Variants in SMG1 observed in about 807,000 individuals in gnomAD.
The protein encoded by SMG1 is serine/threonine-protein kinase SMG1.
In SMG1, 22 loss-of-function variants were observed where a neutral mutation model predicts 419.9. The ratio of observed to expected loss-of-function variants is 0.05; its 90% CI spans 0.04 to 0.07. The LOEUF is 0.07. SMG1 is among the 10% of genes least tolerant of loss of function. The pLI, the probability that SMG1 is intolerant of heterozygous loss-of-function variation, is 1.00. For synonymous variants in SMG1, 1,538 were observed against 1,553.5 expected, an observed-to-expected ratio of 0.99 and a Z score of 0.23; for missense variants, 3,185 against 4,342.0, an observed-to-expected ratio of 0.73 and a Z score of 7.49.
chr16:18,840,470 C>G (rs2033851467), intron 41 of SMG1, among the ~76,000 whole-genome samples: 1 of 152,176 alleles, frequency 6.6e-6, no homozygotes, highest in African/African-American at 2.4e-5. Flanking sequence ...ATGCTCTTTT[C>G]CCCTACCTAC....
chr16:18,903,329 A>T (rs2037421745), intron 1 of SMG1, among the ~76,000 whole-genome samples: 1 of 152,206 alleles, frequency 6.6e-6, no homozygotes, highest in Non-Finnish European at 1.5e-5. Context: ...AATTGTCTTC[A>T]GAGAAAAGCT....
At chr16:18,882,938 C>G (rs537875448) in intron 9 of SMG1, among the ~76,000 whole-genome samples, 6 of 152,268 alleles carry the variant, frequency 3.9e-5, no homozygotes, top group African/African-American at 1.2e-4. Context: ...GGGGAAGCAT[C>G]TCTACAAACT....
At chr16:18,843,481 C>T (rs538686423) in intron 39 of SMG1, among the ~76,000 whole-genome samples, 9 of 152,244 alleles carry the variant, frequency 5.9e-5, no homozygotes, top group South Asian at 2.1e-4. Flanking sequence ...TTCTGGACTC[C>T]GCTTCCATGT....
intron 22 of SMG1, among the ~76,000 whole-genome samples, chr16:18,867,056 T>C (rs2035550908): frequency 6.6e-6 from 1 of 151,800 alleles, no homozygotes; most frequent in South Asian, 2.1e-4. Flanking sequence ...ACACATGGAG[T>C]AAAAAGAAAG....
At position 18,808,508 on chromosome 16, in the gene SMG1, T is replaced by C. The variant is rs1482028333; in HGVS notation, c.*1061A>G. On this transcript the variant is annotated 3_prime_UTR_variant, in exon 63 of 63. Transcript: ENST00000446231. ...AACTCTAATAGATACTCTATCTTGG[T>C]TTTTAAAAAGGTAAAAGATTACACT... is the stretch of plus-strand genomic sequence containing the variant. 6.6e-6 allele frequency: 1 copy of C among 152,202 alleles called. No homozygotes were observed. Among genetic ancestry groups the C allele is most frequent in the Non-Finnish European group, 1.5e-5 (1 of 68,038 alleles). 9.4% of individuals were successfully genotyped at this position (152,202 alleles called of 1,614,324 possible).
rs771397728 is a variant in SMG1 at position 18,839,764 on chromosome 16, C to T, written c.6879G>A (p.Pro2293=). ...VLEELMEATP[P]NLLAKELWSS... ...ACCAGAGCTCTTTGGCAAGGAGATT[C>T]GGGGGTGTGGCCTCCATTAACTCTT... The change falls in exon 42 of 63, where the codon CCG becomes CCA. Residue 2293 remains proline (P), a synonymous_variant. Transcript: ENST00000446231. 3.0e-5 allele frequency: 49 copies of T among 1,613,810 alleles called. No individual in the cohort carries two copies. The African/African-American group carries it at 5.1e-4, about 17-fold the overall frequency.
chr16:18,853,788 A>C lies in SMG1; in HGVS notation c.4563T>G (p.Val1521=). The change falls in exon 31 of 63, where the codon GTT becomes GTG. Residue 1521 remains valine, a synonymous_variant. Coordinates refer to ENST00000446231, the MANE Select transcript of SMG1 (RefSeq NM_015092.5). ...FCKSVKAEYA[V]AKSILTLAKW... ...TAGCCAGTGTCAGAATTGATTTAGC[A>C]ACTGCATATTCAGCTTTCACAGACT... 1 of 1,613,864 alleles carries C rather than the reference A, an allele frequency of 6.2e-7. No individual in the cohort carries two copies. The highest frequency in any genetic ancestry group is 8.5e-7 in the Non-Finnish European group (1 of 1,179,834).
chr16:18,906,971 G>A (rs1006229999), intron 1 of SMG1, among the ~76,000 whole-genome samples: 1 of 152,222 alleles, frequency 6.6e-6, no homozygotes, highest in African/African-American at 2.4e-5. Flanking sequence ...GAATGAGGTC[G>A]GCTGAGTGAA....
chr16:18,879,618 G>A lies in SMG1; in HGVS notation c.1395C>T (p.Gly465=). Residue 465 remains glycine (G), a synonymous_variant, in exon 11 of 63, where the codon GGC becomes GGT. Transcript: ENST00000446231. Reference sequence around the variant, plus strand: ...GTATAGTCATGCTAGGATCCAAGCTGCCGAGCAAAACACCAACACACTCAT... The same window carrying A: ...GTATAGTCATGCTAGGATCCAAGCTACCGAGCAAAACACCAACACACTCAT... The part of the protein sequence containing the change: ...AANECVGVLL[G]SLDPSMTIHC... 1 of 1,456,996 alleles carries A rather than the reference G, an allele frequency of 6.9e-7. No homozygotes were observed. Among genetic ancestry groups the A allele is most frequent in the Admixed American group, 1.9e-5 (1 of 52,240 alleles). 90.3% of individuals were successfully genotyped at this position (1,456,996 alleles called of 1,614,324 possible).
In SMG1 at chr16:18,849,443, T is replaced by C. The variant is rs2034468987; in HGVS notation, c.5462-65A>G. On this transcript the variant is annotated intron_variant, in intron 35 of 62. Transcript: ENST00000446231. ...TAAAACTATGAAGAAACTATCAGCA[T>C]CGTAGATCAAACAGATAAAACGTGA... 1.0e-5 allele frequency: 15 copies of C among 1,462,882 alleles called. 2 individuals carry two copies. The South Asian group carries it at 1.9e-4, about 18-fold the overall frequency. The allele number at this position is 1,462,882 out of a possible 1,614,324, so 90.6% of individuals were successfully genotyped here. A position where few individuals can be genotyped will look rare whatever the true frequency, so the allele number is the denominator to read the frequency against.
rs574179061 is a variant in SMG1 at position 18,887,516 on chromosome 16, C to CTTTTTTT, written c.822+1849_823-1851dup. Among the ~76,000 whole-genome samples, 4 of 110,140 alleles carry CTTTTTTT rather than the reference C, an allele frequency of 3.6e-5. 1 individual carries two copies. The highest frequency in any genetic ancestry group is 6.9e-5 in the African/African-American group (2 of 28,992). 72.3% of individuals were successfully genotyped at this position (110,140 alleles called of 152,430 possible). Reference sequence around the variant, plus strand: ...ACCACGCCCGACTTATTTTTTTTTCCTTTTTTTTTTTTTTTTTAATAGAAA... The same window carrying CTTTTTTT: ...ACCACGCCCGACTTATTTTTTTTTCCTTTTTTTTTTTTTTTTTTTTTTTTAATAGAAA... On this transcript the variant is annotated intron_variant, in intron 6 of 62. Transcript: ENST00000446231.
chr16:18,838,987 T>C (rs573803072), intron 42 of SMG1, among the ~76,000 whole-genome samples: 1 of 152,184 alleles, frequency 6.6e-6, no homozygotes, highest in East Asian at 1.9e-4. Flanking sequence ...TTTATTCTTT[T>C]TTTTGTTTTG....
intron 41 of SMG1, among the ~76,000 whole-genome samples, chr16:18,840,373 T>C (rs2033845244): frequency 6.6e-6 from 1 of 152,224 alleles, no homozygotes; most frequent in Non-Finnish European, 1.5e-5. Context: ...TAGATAGCCC[T>C]TCTCTAATTA....
In SMG1 at chr16:18,892,341, A is replaced by C. The variant is rs2036920232; in HGVS notation, c.426T>G (p.Ser142=). The stretch of plus-strand genomic sequence containing the variant: ...TCGACAGTCGAGACTCATCAGAATA[A>C]GACATCGATCTCTCTGTGAATATAT... ...DMRKSQERSM[S]YSDESRLSNL... The change falls in exon 4 of 63, where the codon TCT becomes TCG. Residue 142 remains serine (S), a synonymous_variant. Coordinates refer to ENST00000446231, the MANE Select transcript of SMG1 (RefSeq NM_015092.5). 6.5e-7 allele frequency: 1 copy of C among 1,549,384 alleles called. No homozygotes were observed. Among genetic ancestry groups the C allele is most frequent in the African/African-American group, 1.4e-5 (1 of 72,986 alleles).
At chr16:18,839,589 A>G in intron 42 of SMG1, 109 bp downstream of exon 42, 1 of 1,416,638 alleles carries the variant, frequency 7.1e-7, no homozygotes, top group Non-Finnish European at 9.8e-7. Flanking sequence ...CAAACTACCA[A>G]GTCTGGAGGG....
chr16:18,883,431 T>G (rs2036486022), intron 9 of SMG1, among the ~76,000 whole-genome samples: 1 of 152,230 alleles, frequency 6.6e-6, no homozygotes, highest in Non-Finnish European at 1.5e-5. Context: ...TTTGTGTTTT[T>G]TTATAACACC....
chr16:18,839,400 G>A (rs2033778593), intron 42 of SMG1, among the ~76,000 whole-genome samples: 1 of 151,938 alleles, frequency 6.6e-6, no homozygotes, highest in African/African-American at 2.4e-5. Flanking sequence ...GTGTCCATGT[G>A]TGCTCAATGT....
intron 55 of SMG1, among the ~76,000 whole-genome samples, chr16:18,821,221 C>CTGTTTTTTT: frequency 2.8e-5 from 1 of 35,600 alleles, no homozygotes; most frequent in Non-Finnish European, 5.5e-5. Flanking sequence ...TAGTATGTTT[C>CTGTTTTTTT]TTTTTTTTTT....
rs754243335 is a variant in SMG1, at chr16:18,829,276, A to C, written c.9603+10T>G. 1 of 1,598,328 alleles carries C rather than the reference A, an allele frequency of 6.3e-7. No individual in the cohort carries two copies. The highest frequency in any genetic ancestry group is 1.1e-5 in the South Asian group (1 of 90,296). ...TTGAGGAAAAACACATTATAAACAA[A>C]AACACTTACCTGAAACATGGCAATA... On this transcript the variant is annotated intron_variant, in intron 54 of 62. Transcript: ENST00000446231.
Sources: allele counts gnomAD v4.1 joint callset (sites outside exome capture counted in the v4.1 genomes callset), GRCh38; gene constraint gnomAD v4.1.1; transcripts MANE v1.5; gene names NCBI Gene and HGNC (gene_info 2026-07-23, HGNC 2026-07-21).